ERP44: variants seen among roughly 807,000 people sequenced by gnomAD.
The protein encoded by ERP44 is endoplasmic reticulum resident protein 44.
ERP44 carries 25 observed loss-of-function variants against 53.4 expected under a neutral mutation model. The ratio of observed to expected loss-of-function variants is 0.47; its 90% CI spans 0.34 to 0.65. The LOEUF (loss-of-function observed/expected upper bound fraction) is 0.65. Among genes scored for constraint, ERP44 ranks in the 30% least tolerant of loss-of-function variants. ERP44 has a pLI of 0.01. For missense variants in ERP44, 338 were observed against 493.2 expected, an observed-to-expected ratio of 0.69 and a Z score of 2.98; for synonymous variants, 145 against 161.2, an observed-to-expected ratio of 0.90 and a Z score of 0.76.
At chr9:100,081,149 T>C (rs2118748343) in intron 1 of ERP44, among the ~76,000 whole-genome samples, 1 of 151,822 alleles carries the variant, frequency 6.6e-6, no homozygotes, top group South Asian at 2.1e-4. Flanking sequence ...GGTCACAGAG[T>C]AAAACCCAAC....
chr9:100,014,070 G>A (rs1235761039), intron 8 of ERP44, among the ~76,000 whole-genome samples: 1 of 152,144 alleles, frequency 6.6e-6, no homozygotes, highest in African/African-American at 2.4e-5. Context: ...TCAAAAACAG[G>A]AAAAGCTTCC....
At chr9:100,079,141 C>G (rs1484014871) in intron 1 of ERP44, among the ~76,000 whole-genome samples, 1 of 152,094 alleles carries the variant, frequency 6.6e-6, no homozygotes, top group Admixed American at 6.5e-5. Flanking sequence ...CTGGGAAAGG[C>G]AGACCCACCC....
chr9:99,979,926 C>A lies in ERP44; in HGVS notation c.*2686G>T, dbSNP rs191677223. The stretch of plus-strand genomic sequence containing the variant: ...TTCTGCCTACAATATATACTACAAA[C>A]CCCTTAGTCTGGCACACAAGGCCCT... On this transcript the variant is annotated 3_prime_UTR_variant, in exon 12 of 12. Transcript: ENST00000262455. 2.5e-6 allele frequency: 1 copy of A among 398,360 alleles called. No homozygotes were observed. Among genetic ancestry groups the A allele is most frequent in the Non-Finnish European group, 4.4e-6 (1 of 225,986 alleles). 24.7% of individuals were successfully genotyped at this position (398,360 alleles called of 1,614,324 possible). A position where few individuals can be genotyped will look rare whatever the true frequency, so the allele number is the denominator to read the frequency against.
intron 10 of ERP44, among the ~76,000 whole-genome samples, chr9:100,002,232 A>G (rs1252840899): frequency 6.6e-6 from 1 of 151,652 alleles, no homozygotes; most frequent in African/African-American, 2.4e-5. Context: ...AAATTATTGT[A>G]GCTATTATTA....
rs77424612 is a variant in ERP44, at chr9:100,050,806, A to G, written c.286+1611T>C. On this transcript the variant is annotated intron_variant, in intron 4 of 11. Transcript: ENST00000262455. ...TAGCAATGATGTCAGATTTTCTTCAAAAGTTATCTGTTTAAAAGATGGAAT... is the reference window on the plus strand; with the variant it reads ...TAGCAATGATGTCAGATTTTCTTCAGAAGTTATCTGTTTAAAAGATGGAAT... Among the ~76,000 whole-genome samples the G allele has an allele frequency of 8.0e-3, 1,219 of 152,310 alleles. 7 individuals are homozygous for G. Among genetic ancestry groups the G allele is most frequent in the African/African-American group, 0.028 (1,165 of 41,568 alleles).
chr9:100,034,408 C>G (rs180912501), intron 4 of ERP44, among the ~76,000 whole-genome samples: 1 of 152,274 alleles, frequency 6.6e-6, no homozygotes, highest in East Asian at 1.9e-4. Context: ...TTGCCCACCA[C>G]TTTCCTAGAA....
At chr9:100,057,742 C>T in intron 3 of ERP44, 78 bp downstream of exon 3, 1 of 1,053,030 alleles carries the variant, frequency 9.5e-7, no homozygotes, top group Non-Finnish European at 1.5e-6. Context: ...AAAAGCCTTC[C>T]CTTCCCCTTT....
At chr9:100,028,202 C>T (rs143207224) in intron 4 of ERP44, among the ~76,000 whole-genome samples, 1 of 152,314 alleles carries the variant, frequency 6.6e-6, no homozygotes, top group African/African-American at 2.4e-5. Flanking sequence ...AGGACAATTA[C>T]AAAGTACTTT....
chr9:100,014,989 T>G (rs1000655355), intron 8 of ERP44, among the ~76,000 whole-genome samples: 1 of 152,208 alleles, frequency 6.6e-6, no homozygotes, highest in Non-Finnish European at 1.5e-5. Context: ...TGCCTACTTC[T>G]CATTGTATCC....
chr9:100,067,525 T>G (rs1369559847), intron 1 of ERP44, among the ~76,000 whole-genome samples: 1 of 152,174 alleles, frequency 6.6e-6, no homozygotes, highest in African/African-American at 2.4e-5. Context: ...TGCAGTGGCG[T>G]GATCTCGGCT....
chr9:100,082,573 G>A (rs535189582), intron 1 of ERP44, among the ~76,000 whole-genome samples: 1 of 152,066 alleles, frequency 6.6e-6, no homozygotes, highest in African/African-American at 2.4e-5. Flanking sequence ...ACAGGAGATT[G>A]GTACCAGGAC....
intron 1 of ERP44, among the ~76,000 whole-genome samples, chr9:100,094,723 C>T (rs1263193943): frequency 2.6e-5 from 4 of 151,916 alleles, no homozygotes; most frequent in Admixed American, 2.0e-4. Context: ...AATCCTAACA[C>T]TTTGGAAGGC....
intron 3 of ERP44, among the ~76,000 whole-genome samples, chr9:100,055,938 T>C (rs1162174742): frequency 6.6e-6 from 1 of 152,234 alleles, no homozygotes; most frequent in East Asian, 1.9e-4. Context: ...ATTAAGTCTA[T>C]GTCTTACAGC....
At chr9:100,061,597 AAT>A (rs886496315) in intron 1 of ERP44, among the ~76,000 whole-genome samples, 4 of 147,012 alleles carry the variant, frequency 2.7e-5, no homozygotes, top group African/African-American at 4.9e-5. Flanking sequence ...TATTTATAGA[AAT>A]ATATATATTT....
At chr9:100,053,478 GAAC>G (rs555514591) in intron 3 of ERP44, among the ~76,000 whole-genome samples, 132 of 152,182 alleles carry the variant, frequency 8.7e-4, no homozygotes, top group African/African-American at 2.8e-3. Context: ...TTCATTACGT[GAAC>G]ATCATAAAGT....
intron 1 of ERP44, among the ~76,000 whole-genome samples, chr9:100,081,425 A>C (rs1826422924): frequency 6.6e-6 from 1 of 152,172 alleles, no homozygotes; most frequent in African/African-American, 2.4e-5. Context: ...CAGCAGCAAC[A>C]TCTGTAAAGC....
intron 1 of ERP44, among the ~76,000 whole-genome samples, chr9:100,060,564 T>C (rs1826135210): frequency 6.6e-6 from 1 of 152,236 alleles, no homozygotes; most frequent in Non-Finnish European, 1.5e-5. Flanking sequence ...GATTCTATCC[T>C]GCCATGTTTC....
chr9:99,995,680 A>T (rs1249371538), intron 10 of ERP44, among the ~76,000 whole-genome samples: 1 of 152,144 alleles, frequency 6.6e-6, no homozygotes, highest in Non-Finnish European at 1.5e-5. Context: ...TAGTTCATTC[A>T]TGTTGTTACA....
chr9:99,980,214 A>G lies in ERP44; in HGVS notation c.*2398T>C. ...TTTACATCTATAACACGTTACAGTC[A>G]TTGTTTACATATCCATATGCCTGAC... is the stretch of plus-strand genomic sequence containing the variant. On this transcript the variant is annotated 3_prime_UTR_variant, in exon 12 of 12. Transcript: ENST00000262455. 2.5e-6 allele frequency: 1 copy of G among 396,222 alleles called. No homozygotes were observed. The highest frequency in any genetic ancestry group is 4.4e-6 in the Non-Finnish European group (1 of 224,964). The allele number at this position is 396,222 out of a possible 1,614,324, so 24.5% of individuals were successfully genotyped here. A position where few individuals can be genotyped will look rare whatever the true frequency, so the allele number is the denominator to read the frequency against.
Sources: allele counts gnomAD v4.1 joint callset (sites outside exome capture counted in the v4.1 genomes callset), GRCh38; gene constraint gnomAD v4.1.1; transcripts MANE v1.5; gene names NCBI Gene and HGNC (gene_info 2026-07-23, HGNC 2026-07-21).